Variants in ROBO1 observed in about 807,000 individuals in gnomAD.
The protein encoded by ROBO1 is roundabout guidance receptor 1.
ROBO1 carries 149 observed loss-of-function variants against 195.9 expected under a neutral mutation model. That is an observed-to-expected ratio of 0.76 (90% CI 0.67 to 0.87). The LOEUF is 0.87. Ranked by LOEUF, ROBO1 falls within the 40% of genes least tolerant of loss-of-function variation. The pLI is 0.00. For synonymous variants in ROBO1, 816 were observed against 733.2 expected (o/e 1.11, Z -1.82); for missense variants, 1,933 against 2,068.3 (o/e 0.93, Z 1.27).
chr3:78,649,136 A>AG (rs904379426), intron 19 of ROBO1, among the ~76,000 whole-genome samples: 3 of 151,962 alleles, frequency 2.0e-5, no homozygotes, highest in African/African-American at 7.3e-5. Context: ...AAAAAAAAAA[A>AG]AAAATGAAAG....
intron 3 of ROBO1, among the ~76,000 whole-genome samples, chr3:79,014,236 G>A (rs1576566695): frequency 6.6e-6 from 1 of 152,086 alleles, no homozygotes; most frequent in Admixed American, 6.6e-5. Flanking sequence ...TTGGGAGGCC[G>A]AAGCAGGCAG....
At chr3:78,631,428 T>C (rs6548592) in intron 24 of ROBO1, 123 bp from the exon 25 acceptor site, 519,214 of 1,055,962 alleles carry the variant, frequency 0.49, 130,613 homozygotes, top group Admixed American at 0.54. Flanking sequence ...GAGATAAACA[T>C]GCTTTTTCAT....
intron 4 of ROBO1, among the ~76,000 whole-genome samples, chr3:78,877,451 C>T (rs1362890545): frequency 6.6e-6 from 1 of 151,064 alleles, no homozygotes; most frequent in Non-Finnish European, 1.5e-5. Flanking sequence ...TAAAATAAAT[C>T]TAATTGAATG....
intron 2 of ROBO1, among the ~76,000 whole-genome samples, chr3:79,259,552 C>A (rs1218059748): frequency 1.3e-5 from 2 of 151,842 alleles, no homozygotes; most frequent in Admixed American, 1.3e-4. Flanking sequence ...TTTTTTTGTG[C>A]CCATTAACCA....
At position 78,602,272 on chromosome 3, in the gene ROBO1, T is replaced by C. The variant is rs182452687; in HGVS notation, c.4745-1963A>G. On this transcript the variant is annotated intron_variant, in intron 29 of 30. Coordinates refer to ENST00000464233, the MANE Select transcript of ROBO1 (RefSeq NM_002941.4). ...CACAAGATCTGGTGGTTTAAAAGTA[T>C]GTGGCACCTCCATCCCACTCTCTCT... 9.7e-4 allele frequency among the ~76,000 whole-genome samples: 147 copies of C among 152,148 alleles called. 1 individual carries two copies. The highest frequency in any genetic ancestry group is 3.1e-3 in the African/African-American group (128 of 41,520).
chr3:78,882,984 T>TAGTAGG (rs765944540), intron 4 of ROBO1, among the ~76,000 whole-genome samples: 4 of 151,890 alleles, frequency 2.6e-5, no homozygotes, highest in Admixed American at 6.6e-5. Flanking sequence ...GGCTAATTTT[T>TAGTAGG]GTATTTTTAG....
At chr3:78,733,829 T>G (rs2082335377) in intron 5 of ROBO1, among the ~76,000 whole-genome samples, 2 of 152,170 alleles carry the variant, frequency 1.3e-5, no homozygotes, top group Admixed American at 6.5e-5. Flanking sequence ...TCAAAGTGCC[T>G]GGAAACTGAA....
intron 2 of ROBO1, among the ~76,000 whole-genome samples, chr3:79,448,695 A>G (rs548681502): frequency 6.6e-6 from 1 of 152,270 alleles, no homozygotes; most frequent in South Asian, 2.1e-4. Flanking sequence ...TTCTTTTAGT[A>G]ATATCAAGAA....
At chr3:78,613,008 T>G (rs927815638) in intron 28 of ROBO1, among the ~76,000 whole-genome samples, 3 of 152,226 alleles carry the variant, frequency 2.0e-5, no homozygotes, top group Non-Finnish European at 2.9e-5. Context: ...TTAGTTAGAA[T>G]TATATTTAAT....
At chr3:78,813,812 C>T (rs533474000) in intron 4 of ROBO1, among the ~76,000 whole-genome samples, 1 of 151,954 alleles carries the variant, frequency 6.6e-6, no homozygotes, top group Non-Finnish European at 1.5e-5. Context: ...TTATTGAAGT[C>T]CACTACAGGC....
At chr3:79,229,236 A>T (rs2082279741) in intron 2 of ROBO1, among the ~76,000 whole-genome samples, 1 of 152,140 alleles carries the variant, frequency 6.6e-6, no homozygotes, top group African/African-American at 2.4e-5. Context: ...ACAATTCCAA[A>T]CACTTTTTTG....
chr3:79,374,013 A>G (rs2036294925), intron 2 of ROBO1, among the ~76,000 whole-genome samples: 1 of 152,154 alleles, frequency 6.6e-6, no homozygotes, highest in African/African-American at 2.4e-5. Context: ...TAATTTAGTA[A>G]TTGTATCATA....
At chr3:79,416,621 A>G (rs1233820652) in intron 2 of ROBO1, among the ~76,000 whole-genome samples, 2 of 150,854 alleles carry the variant, frequency 1.3e-5, no homozygotes, top group Non-Finnish European at 3.0e-5. Context: ...AAAAAAACCG[A>G]AAGAAAGAAA....
chr3:79,301,507 A>G (rs1054927800), intron 2 of ROBO1, among the ~76,000 whole-genome samples: 14 of 152,320 alleles, frequency 9.2e-5, no homozygotes, highest in African/African-American at 3.1e-4. Context: ...TTCTAGGTCT[A>G]AAGGTGAATG....
chr3:79,507,282 C>T lies in ROBO1; in HGVS notation c.88+82542G>A, dbSNP rs72900071. Among the ~76,000 whole-genome samples the T allele has an allele frequency of 7.7e-3, 1,178 of 152,286 alleles. 9 individuals are homozygous for T. Among genetic ancestry groups the T allele is most frequent in the African/African-American group, 0.027 (1,108 of 41,552 alleles). Reference sequence around the variant, plus strand: ...CACAAATAAATGCCTACCAAGGTGTCTACACACTCTGAGAACAACTCTATG... The same window carrying T: ...CACAAATAAATGCCTACCAAGGTGTTTACACACTCTGAGAACAACTCTATG... On this transcript the variant is annotated intron_variant, in intron 2 of 30. Transcript: ENST00000464233.
At chr3:79,210,977 C>G (rs746802888) in intron 2 of ROBO1, among the ~76,000 whole-genome samples, 3 of 152,002 alleles carry the variant, frequency 2.0e-5, no homozygotes, top group African/African-American at 7.2e-5. Context: ...GCTTTATTAA[C>G]TATAAAATAG....
intron 2 of ROBO1, among the ~76,000 whole-genome samples, chr3:79,559,489 T>A (rs536355613): frequency 6.6e-6 from 1 of 152,360 alleles, no homozygotes; most frequent in Non-Finnish European, 1.5e-5. Flanking sequence ...GCACCATGTC[T>A]GTAATCTGTA....
At chr3:78,683,282 ACT>A (rs1359116465) in intron 10 of ROBO1, among the ~76,000 whole-genome samples, 1 of 152,128 alleles carries the variant, frequency 6.6e-6, no homozygotes, top group Non-Finnish European at 1.5e-5. Flanking sequence ...TGGGATATTT[ACT>A]GTTTCCCTGA....
intron 2 of ROBO1, among the ~76,000 whole-genome samples, chr3:79,248,426 A>ATTTCAAG (rs1469297468): frequency 6.7e-6 from 1 of 150,322 alleles, no homozygotes; most frequent in Non-Finnish European, 1.5e-5. Context: ...CAGAAAAATG[A>ATTTCAAG]TTTCAAGTTT....
Sources: allele counts gnomAD v4.1 joint callset (sites outside exome capture counted in the v4.1 genomes callset), GRCh38; gene constraint gnomAD v4.1.1; transcripts MANE v1.5; gene names NCBI Gene and HGNC (gene_info 2026-07-23, HGNC 2026-07-21).